Variants in PI4K2A observed in about 807,000 individuals in gnomAD.
PI4K2A encodes the protein phosphatidylinositol 4-kinase type 2 alpha, also known as phosphatidylinositol 4-kinase type 2-alpha.
Under a neutral mutation model 55.0 loss-of-function variants are expected in PI4K2A, and 20 were observed. The ratio of observed to expected loss-of-function variants is 0.36; its 90% CI spans 0.26 to 0.53. PI4K2A has a LOEUF of 0.53. PI4K2A is among the 20% of genes least tolerant of loss of function. The pLI is 0.91. For missense variants in PI4K2A, 463 were observed against 637.1 expected (o/e 0.73, Z 2.94); for synonymous variants, 235 against 258.5 (o/e 0.91, Z 0.87).
chr10:97,646,497 A>C (rs2041505592), intron 1 of PI4K2A, among the ~76,000 whole-genome samples: 1 of 152,144 alleles, frequency 6.6e-6, no homozygotes, highest in African/African-American at 2.4e-5. Flanking sequence ...GATTACAGGC[A>C]TGAGCCACCA....
At chr10:97,655,915 T>C (rs751450668) in intron 2 of PI4K2A, among the ~76,000 whole-genome samples, 7 of 152,060 alleles carry the variant, frequency 4.6e-5, no homozygotes, top group Non-Finnish European at 7.4e-5. Context: ...TCATGCCAGA[T>C]AGGCAGCTCT....
Position 97,641,197 on chromosome 10 carries a change from C to T in PI4K2A, c.435+20C>T. ...CAGGGGGTGAGTGCGGGGGTGGGGA[C>T]CGCCGCCGCGGGCTGAGGGCCGGCG... On this transcript the variant is annotated intron_variant, in intron 1 of 8. Coordinates refer to ENST00000370631, the Ensembl canonical transcript of PI4K2A. 1 of 1,578,414 alleles carries T rather than the reference C, an allele frequency of 6.3e-7. No homozygotes were observed. Among genetic ancestry groups the T allele is most frequent in the East Asian group, 2.3e-5 (1 of 43,130 alleles).
intron 8 of PI4K2A, among the ~76,000 whole-genome samples, chr10:97,673,134 G>A (rs1368018374): frequency 5.3e-5 from 8 of 152,028 alleles, no homozygotes; most frequent in Non-Finnish European, 7.4e-5. Context: ...CTACAGGCGT[G>A]TGCCACCACG....
intron 2 of PI4K2A, among the ~76,000 whole-genome samples, chr10:97,654,822 TA>T (rs951326275): frequency 5.6e-4 from 86 of 152,272 alleles, no homozygotes; most frequent in African/African-American, 1.9e-3. Context: ...TTAAGTATAA[TA>T]TTGATGGCTC....
chr10:97,667,203 GT>G, intron 8 of PI4K2A, 83 bp downstream of exon 8: 1 of 982,536 alleles, frequency 1.0e-6, no homozygotes, highest in Non-Finnish European at 1.6e-6. Flanking sequence ...TGAAGTTTGT[GT>G]TTTATACCCC....
At chr10:97,663,535 A>T in intron 5 of PI4K2A, among the ~76,000 whole-genome samples, 1 of 150,078 alleles carries the variant, frequency 6.7e-6, no homozygotes. Flanking sequence ...TTTTTTAAGA[A>T]ACAGGGTTGG....
chr10:97,641,796 A>G (rs2041471179), intron 1 of PI4K2A, among the ~76,000 whole-genome samples: 2 of 152,168 alleles, frequency 1.3e-5, no homozygotes, highest in South Asian at 2.1e-4. Flanking sequence ...CAAAGTTTAG[A>G]TAGAACTTGG....
intron 8 of PI4K2A, 93 bp downstream of exon 8, chr10:97,667,213 C>T: frequency 2.2e-6 from 2 of 889,268 alleles, no homozygotes; most frequent in Non-Finnish European, 1.8e-6. Flanking sequence ...GTTTTATACC[C>T]CCCCCTTTTT....
chr10:97,640,727 G>GC, exon 1 of PI4K2A: 1 of 1,468,612 alleles, frequency 6.8e-7, no homozygotes, highest in African/African-American at 1.5e-5. Context: ...GGGTCCCGGA[G>GC]CCGGCTGTCT....
intron 1 of PI4K2A, among the ~76,000 whole-genome samples, chr10:97,642,982 C>G (rs1235301575): frequency 6.7e-6 from 1 of 148,400 alleles, no homozygotes; most frequent in Non-Finnish European, 1.5e-5. Flanking sequence ...TTCATTCATT[C>G]TCTCTTTCTC....
At chr10:97,652,823 C>A (rs1031701595) in intron 2 of PI4K2A, among the ~76,000 whole-genome samples, 2 of 152,178 alleles carry the variant, frequency 1.3e-5, no homozygotes, top group Admixed American at 1.3e-4. Context: ...CAGCACCTAG[C>A]AAAATACTAT....
chr10:97,670,315 C>T (rs1013749767), intron 8 of PI4K2A, among the ~76,000 whole-genome samples: 1 of 151,992 alleles, frequency 6.6e-6, no homozygotes. Context: ...CTTTTCAGTC[C>T]TGGTTCCAGG....
intron 1 of PI4K2A, among the ~76,000 whole-genome samples, chr10:97,649,879 C>T (rs895076747): frequency 6.6e-6 from 1 of 152,040 alleles, no homozygotes; most frequent in African/African-American, 2.4e-5. Flanking sequence ...CCACCTTGGC[C>T]TCCCAAAGTG....
chr10:97,655,407 A>G (rs1366226265), intron 2 of PI4K2A, among the ~76,000 whole-genome samples: 1 of 151,688 alleles, frequency 6.6e-6, no homozygotes, highest in Non-Finnish European at 1.5e-5. Context: ...TTCAAAAGGA[A>G]ATGAAGGGGT....
chr10:97,666,624 TG>T, intron 7 of PI4K2A, 53 bp downstream of exon 7: 1 of 1,512,936 alleles, frequency 6.6e-7, no homozygotes, highest in Non-Finnish European at 9.0e-7. Flanking sequence ...GAATTTTTAA[TG>T]GTTTTTTTAA....
intron 4 of PI4K2A, among the ~76,000 whole-genome samples, chr10:97,661,136 C>T (rs1034902833): frequency 3.9e-5 from 6 of 151,990 alleles, no homozygotes; most frequent in South Asian, 2.1e-4. Flanking sequence ...GGACTACAGG[C>T]GCCCGCCACC....
chr10:97,672,233 G>A (rs542665108), intron 8 of PI4K2A, among the ~76,000 whole-genome samples: 1 of 150,914 alleles, frequency 6.6e-6, no homozygotes, highest in African/African-American at 2.4e-5. Context: ...AGTAGATATG[G>A]GGTTTTACCA....
At chr10:97,642,384 G>A (rs1314994538) in intron 1 of PI4K2A, among the ~76,000 whole-genome samples, 1 of 150,936 alleles carries the variant, frequency 6.6e-6, no homozygotes, top group Non-Finnish European at 1.5e-5. Context: ...TAAGTCTTTC[G>A]AAGTTTCTTT....
intron 2 of PI4K2A, among the ~76,000 whole-genome samples, chr10:97,652,352 G>A (rs954992924): frequency 6.6e-6 from 1 of 152,094 alleles, no homozygotes. Flanking sequence ...CTGGGGTGCA[G>A]TGGCATGATC....
Sources: allele counts gnomAD v4.1 joint callset (sites outside exome capture counted in the v4.1 genomes callset), GRCh38; gene constraint gnomAD v4.1.1; transcripts MANE v1.5; gene names NCBI Gene and HGNC (gene_info 2026-07-23, HGNC 2026-07-21).